The following SH3GL3 variants were observed in gnomAD, a reference collection of about 807,000 sequenced individuals.
SH3GL3 encodes endophilin-A3.
SH3GL3 carries 33 observed loss-of-function variants against 47.7 expected under a neutral mutation model. The ratio of observed to expected loss-of-function variants is 0.69; its 90% CI spans 0.52 to 0.92. SH3GL3 has a LOEUF of 0.92. Among genes scored for constraint, SH3GL3 ranks in the 40% least tolerant of loss-of-function variants. The pLI is 0.00. For synonymous variants in SH3GL3, 155 were observed against 148.8 expected, an observed-to-expected ratio of 1.04 and a Z score of -0.30; for missense variants, 363 against 417.8, an observed-to-expected ratio of 0.87 and a Z score of 1.14.
At chr15:83,568,483 C>G (rs1320809870) in intron 3 of SH3GL3, 46 bp from the exon 4 acceptor site, 2 of 1,554,156 alleles carry the variant, frequency 1.3e-6, no homozygotes, top group South Asian at 2.3e-5. Context: ...GTACCTGTCA[C>G]TCCACCTTGT....
chr15:83,572,665 G>T lies in SH3GL3; in HGVS notation c.432G>T (p.Gln144His). Residue 144 changes from glutamine (Q) to histidine (H), a missense_variant, in exon 5 of 9, where the codon CAG becomes CAT. Physicochemically the swap from Gln to His is conservative, Grantham distance 24. Transcript: ENST00000427482. ...AGCAAACTTTTATTGATCCACTTCAGTTACTACAAGATAAAGATTTAAAAG... is the reference window on the plus strand; with the variant it reads ...AGCAAACTTTTATTGATCCACTTCATTTACTACAAGATAAAGATTTAAAAG... The part of the protein sequence containing the change: ...NVKQTFIDPL[Q>H]LLQDKDLKEI... The T allele has an allele frequency of 6.2e-7, 1 of 1,610,670 alleles. No homozygotes were observed. The highest frequency in any genetic ancestry group is 8.5e-7 in the Non-Finnish European group (1 of 1,176,906).
chr15:83,467,212 T>A (rs1433541716), intron 1 of SH3GL3, among the ~76,000 whole-genome samples: 1 of 152,248 alleles, frequency 6.6e-6, no homozygotes, highest in African/African-American at 2.4e-5. Flanking sequence ...TGAATTAATT[T>A]TTTTAATAAA....
rs113219903 is a variant in SH3GL3, at chr15:83,577,216, T to C, written c.624+475T>C. On this transcript the variant is annotated intron_variant, in intron 6 of 8. Transcript: ENST00000427482. The stretch of plus-strand genomic sequence containing the variant: ...GAGCCACCACCCCCGTCCAATCTCA[T>C]AATGTTTTAAGAAAGTTTATGAGTT... Among the ~76,000 whole-genome samples, 66 of 151,746 alleles carry C rather than the reference T, an allele frequency of 4.3e-4. 1 individual carries two copies. Among genetic ancestry groups the C allele is most frequent in the African/African-American group, 1.5e-3 (62 of 41,372 alleles).
intron 1 of SH3GL3, among the ~76,000 whole-genome samples, chr15:83,491,078 A>G (rs1200530120): frequency 6.6e-6 from 1 of 152,196 alleles, no homozygotes; most frequent in African/African-American, 2.4e-5. Context: ...CTAATGTCTA[A>G]TGTGTGCTGG....
chr15:83,481,047 G>A (rs1307589128), intron 1 of SH3GL3, among the ~76,000 whole-genome samples: 1 of 152,066 alleles, frequency 6.6e-6, no homozygotes, highest in East Asian at 1.9e-4. Context: ...AGGCCGAGGC[G>A]GGCGGATCAC....
intron 1 of SH3GL3, among the ~76,000 whole-genome samples, chr15:83,476,060 T>C (rs1362391016): frequency 6.6e-6 from 1 of 152,234 alleles, no homozygotes; most frequent in East Asian, 1.9e-4. Context: ...TGGAAAGGTC[T>C]CATTTAATCC....
intron 1 of SH3GL3, among the ~76,000 whole-genome samples, chr15:83,508,034 C>T (rs368164943): frequency 1.3e-5 from 2 of 150,926 alleles, no homozygotes; most frequent in Non-Finnish European, 3.0e-5. Flanking sequence ...CTCCACCTCC[C>T]GGGTTCAAGG....
At chr15:83,548,208 A>G (rs2151716803) in intron 1 of SH3GL3, among the ~76,000 whole-genome samples, 1 of 151,806 alleles carries the variant, frequency 6.6e-6, no homozygotes, top group East Asian at 1.9e-4. Flanking sequence ...TACATTTAAA[A>G]CCTCACAAGA....
At chr15:83,508,425 T>A (rs889923073) in intron 1 of SH3GL3, among the ~76,000 whole-genome samples, 1 of 150,908 alleles carries the variant, frequency 6.6e-6, no homozygotes, top group East Asian at 2.0e-4. Flanking sequence ...TGGAGGGGTG[T>A]GGCTGGAGTG....
At chr15:83,529,320 G>A (rs2151671913) in intron 1 of SH3GL3, among the ~76,000 whole-genome samples, 1 of 152,312 alleles carries the variant, frequency 6.6e-6, no homozygotes, top group Non-Finnish European at 1.5e-5. Flanking sequence ...TTCCAGCAGT[G>A]GCAGCAGTGG....
At chr15:83,589,199 C>CA (rs2060028630) in intron 8 of SH3GL3, among the ~76,000 whole-genome samples, 1 of 151,808 alleles carries the variant, frequency 6.6e-6, no homozygotes, top group Admixed American at 6.6e-5. Context: ...GTAAAATAAT[C>CA]AAACAGAAAA....
In SH3GL3 at chr15:83,552,874, C is replaced by G. The variant is rs1036636754; in HGVS notation, c.46-6379C>G. Among the ~76,000 whole-genome samples, 6 of 152,208 alleles carry G rather than the reference C, an allele frequency of 3.9e-5. No homozygotes were observed. In the East Asian group the frequency reaches 1.2e-3, roughly 29 times the overall value. ...TGCTTTATATTTTTTGGAGGTTATA[C>G]TAATAGTGGAAACAATATCATTATT... On this transcript the variant is annotated intron_variant, in intron 1 of 8. Coordinates refer to ENST00000427482, the MANE Select transcript of SH3GL3 (RefSeq NM_003027.5).
intron 8 of SH3GL3, among the ~76,000 whole-genome samples, chr15:83,617,727 A>C (rs2060863709): frequency 1.3e-5 from 2 of 152,186 alleles, no homozygotes; most frequent in African/African-American, 4.8e-5. Context: ...TCTAATCCCC[A>C]CAAAGAAACT....
At chr15:83,519,230 A>T (rs1388429462) in intron 1 of SH3GL3, among the ~76,000 whole-genome samples, 1 of 152,148 alleles carries the variant, frequency 6.6e-6, no homozygotes, top group Non-Finnish European at 1.5e-5. Context: ...TTTGATAAGG[A>T]TGGTGTTGAA....
chr15:83,595,411 A>T (rs569810097), intron 8 of SH3GL3, among the ~76,000 whole-genome samples: 1 of 152,082 alleles, frequency 6.6e-6, no homozygotes, highest in South Asian at 2.1e-4. Context: ...ACTATGCTTG[A>T]TCACCTGAGT....
At chr15:83,457,291 A>C (rs550772273) in intron 1 of SH3GL3, among the ~76,000 whole-genome samples, 1 of 152,262 alleles carries the variant, frequency 6.6e-6, no homozygotes, top group African/African-American at 2.4e-5. Flanking sequence ...TACTGATGAC[A>C]CTTGTGGGCT....
chr15:83,489,837 C>T (rs551633120), intron 1 of SH3GL3, among the ~76,000 whole-genome samples: 10 of 144,750 alleles, frequency 6.9e-5, no homozygotes, highest in South Asian at 2.3e-4. Flanking sequence ...TGTCAGAAGC[C>T]GATAGATAGA....
chr15:83,474,697 T>G (rs1365623804), intron 1 of SH3GL3, among the ~76,000 whole-genome samples: 3 of 152,208 alleles, frequency 2.0e-5, no homozygotes, highest in African/African-American at 7.2e-5. Context: ...TGTCTGAGGA[T>G]GTTCCTGTAA....
At chr15:83,506,492 GGCCT>G (rs1176127261) in intron 1 of SH3GL3, among the ~76,000 whole-genome samples, 1 of 152,044 alleles carries the variant, frequency 6.6e-6, no homozygotes, top group Non-Finnish European at 1.5e-5. Context: ...CATCTGATAG[GGCCT>G]GCTCCTGCAC....
Sources: gnomAD v4.1 joint callset for allele counts (sites outside exome capture counted in the v4.1 genomes callset) on GRCh38, gnomAD v4.1.1 for gene constraint, MANE v1.5 for transcripts, NCBI Gene and HGNC (gene_info 2026-07-23, HGNC 2026-07-21) for gene names.